Variants in AHCYL2 observed in about 807,000 individuals in gnomAD.
The protein encoded by AHCYL2 is S-adenosylhomocysteine hydrolase-like protein 2.
A neutral mutation model predicts 81.4 loss-of-function variants in AHCYL2; 28 were observed. The ratio of observed to expected loss-of-function variants is 0.34; its 90% CI spans 0.25 to 0.47. The LOEUF (loss-of-function observed/expected upper bound fraction) is 0.47, where lower values mean the gene tolerates loss of function less well. AHCYL2 is among the 20% of genes least tolerant of loss of function. The probability of loss-of-function intolerance (pLI) is 1.00; values close to 1 mark genes in which losing one functional copy is unlikely to be tolerated. For missense variants in AHCYL2, 551 were observed against 785.1 expected (o/e 0.70, Z 3.56); for synonymous variants, 272 against 290.2 (o/e 0.94, Z 0.64).
chr7:129,397,091 G>T, intron 4 of AHCYL2, 131 bp from the exon 5 acceptor site: 1 of 710,500 alleles, frequency 1.4e-6, no homozygotes. Flanking sequence ...AGGTTCTGTA[G>T]AGCCCAATTT....
chr7:129,334,640 G>A (rs1563201010), intron 1 of AHCYL2, among the ~76,000 whole-genome samples: 2 of 152,154 alleles, frequency 1.3e-5, no homozygotes, highest in African/African-American at 2.4e-5. Flanking sequence ...ATTTGTATTA[G>A]TGATACTTAA....
chr7:129,332,187 G>A (rs538238567), intron 1 of AHCYL2, among the ~76,000 whole-genome samples: 1 of 152,150 alleles, frequency 6.6e-6, no homozygotes, highest in East Asian at 1.9e-4. Flanking sequence ...TTGGGATAAT[G>A]GTTAATTTTT....
intron 2 of AHCYL2, among the ~76,000 whole-genome samples, chr7:129,381,495 G>C (rs573540867): frequency 6.6e-6 from 1 of 152,250 alleles, no homozygotes; most frequent in East Asian, 1.9e-4. Context: ...ATTTTTATAA[G>C]TCAAAAATTG....
chr7:129,243,327 A>T (rs1025167486), intron 1 of AHCYL2, among the ~76,000 whole-genome samples: 2 of 151,172 alleles, frequency 1.3e-5, no homozygotes, highest in Non-Finnish European at 3.0e-5. Context: ...CCAGCCGACT[A>T]TATTGTTTCT....
chr7:129,300,495 A>G (rs1410319604), intron 1 of AHCYL2, among the ~76,000 whole-genome samples: 1 of 152,202 alleles, frequency 6.6e-6, no homozygotes, highest in Non-Finnish European at 1.5e-5. Flanking sequence ...TTATGGCTGA[A>G]TAGTACTCCA....
rs545064800 is a variant in AHCYL2 at position 129,425,158 on chromosome 7, C to A, written c.1708+17C>A. 65 of 1,604,554 alleles carry A rather than the reference C, an allele frequency of 4.1e-5. No homozygotes were observed. The South Asian group carries it at 6.8e-4, about 17-fold the overall frequency. ...AGAAGATGGGTAAGTATTTACTCTTCCATCTCCATCCTTACCAAAGTAGTT... is the reference window on the plus strand; with the variant it reads ...AGAAGATGGGTAAGTATTTACTCTTACATCTCCATCCTTACCAAAGTAGTT... On this transcript the variant is annotated intron_variant, in intron 15 of 16. Transcript: ENST00000325006.
At chr7:129,280,440 A>G (rs1023818988) in intron 1 of AHCYL2, among the ~76,000 whole-genome samples, 7 of 152,142 alleles carry the variant, frequency 4.6e-5, no homozygotes, top group Admixed American at 6.5e-5. Context: ...AAGTGTTGGG[A>G]TTACAAGCAT....
At chr7:129,283,327 C>G (rs2150742145) in intron 1 of AHCYL2, 1 of 455,440 alleles carries the variant, frequency 2.2e-6, no homozygotes, top group Middle Eastern at 3.3e-4. Flanking sequence ...TTTTCTGTCT[C>G]TCAGGGATTG....
At chr7:129,310,479 A>C (rs1273170045) in intron 1 of AHCYL2, among the ~76,000 whole-genome samples, 2 of 152,326 alleles carry the variant, frequency 1.3e-5, no homozygotes, top group African/African-American at 2.4e-5. Flanking sequence ...ATAATGAAGG[A>C]AATTAGAAGC....
intron 11 of AHCYL2, among the ~76,000 whole-genome samples, chr7:129,411,441 A>G (rs987968337): frequency 9.9e-5 from 15 of 152,162 alleles, no homozygotes; most frequent in African/African-American, 3.4e-4. Flanking sequence ...AAAGAAGGGG[A>G]AAAAATAATA....
intron 1 of AHCYL2, among the ~76,000 whole-genome samples, chr7:129,259,153 A>G (rs1044121033): frequency 2.0e-5 from 3 of 152,158 alleles, no homozygotes; most frequent in Non-Finnish European, 4.4e-5. Context: ...GCTTCTGGCA[A>G]TAACACTCAG....
intron 1 of AHCYL2, among the ~76,000 whole-genome samples, chr7:129,305,243 C>T (rs60275163): frequency 0.23 from 35,696 of 152,048 alleles, 4,338 homozygotes; most frequent in South Asian, 0.37. Flanking sequence ...GGGCAGATCA[C>T]GAGGTCAAGA....
At chr7:129,334,663 G>A (rs1470265613) in intron 1 of AHCYL2, among the ~76,000 whole-genome samples, 1 of 152,138 alleles carries the variant, frequency 6.6e-6, no homozygotes, top group Non-Finnish European at 1.5e-5. Context: ...GCCCCAGGAG[G>A]CTGGTACCTG....
At chr7:129,272,645 C>A (rs1223707745) in intron 1 of AHCYL2, among the ~76,000 whole-genome samples, 1 of 152,066 alleles carries the variant, frequency 6.6e-6, no homozygotes, top group Non-Finnish European at 1.5e-5. Context: ...TTGGTACTGC[C>A]ACATGTGGTT....
chr7:129,426,035 T>G lies in AHCYL2; in HGVS notation c.1709-408T>G, dbSNP rs2150972297. 6.6e-6 allele frequency among the ~76,000 whole-genome samples: 1 copy of G among 152,374 alleles called. No homozygotes were observed. On this transcript the variant is annotated intron_variant, in intron 15 of 16. Coordinates refer to ENST00000325006, the MANE Select transcript of AHCYL2 (RefSeq NM_015328.4). The surrounding 1 kb of genome is among the most constrained non-coding windows in gnomAD (Gnocchi z 4.3). ...TCCCATTTAGTATCCTTCTTAGTTTTTCCATTCAAGTTTCCCCAGGCATTA... is the reference window on the plus strand; with the variant it reads ...TCCCATTTAGTATCCTTCTTAGTTTGTCCATTCAAGTTTCCCCAGGCATTA...
chr7:129,382,623 A>G (rs1795013307), intron 2 of AHCYL2, among the ~76,000 whole-genome samples: 1 of 151,566 alleles, frequency 6.6e-6, no homozygotes, highest in African/African-American at 2.4e-5. Context: ...AAATAATTTT[A>G]GGCAGGGCGC....
chr7:129,405,018 A>G, intron 7 of AHCYL2, 79 bp from the exon 8 acceptor site: 1 of 864,178 alleles, frequency 1.2e-6, no homozygotes, highest in Middle Eastern at 2.3e-4. Flanking sequence ...CAATCAACGT[A>G]TTTCTGGGGC....
intron 2 of AHCYL2, among the ~76,000 whole-genome samples, chr7:129,380,839 C>T (rs1794922169): frequency 6.6e-6 from 1 of 152,182 alleles, no homozygotes; most frequent in East Asian, 1.9e-4. Context: ...CTCACGGACT[C>T]AAGTGATCCT....
chr7:129,230,028 T>TGTATACCA (rs1222650285), intron 1 of AHCYL2, among the ~76,000 whole-genome samples: 1 of 152,090 alleles, frequency 6.6e-6, no homozygotes, highest in Non-Finnish European at 1.5e-5. Flanking sequence ...ATATTCCTAC[T>TGTATACCA]GTATACCAGG....
Sources: allele counts gnomAD v4.1 joint callset (sites outside exome capture counted in the v4.1 genomes callset), GRCh38; gene constraint gnomAD v4.1.1; non-coding constraint Gnocchi (gnomAD v3.1); transcripts MANE v1.5; gene names NCBI Gene and HGNC (gene_info 2026-07-23, HGNC 2026-07-21).